The following MYCBP2 variants were observed in gnomAD, a reference collection of about 807,000 sequenced individuals.
MYCBP2 encodes the protein MYC binding protein 2, also known as E3 ubiquitin-protein ligase MYCBP2.
A neutral mutation model predicts 525.3 loss-of-function variants in MYCBP2; 120 were observed. That is an observed-to-expected ratio of 0.23 (90% CI 0.20 to 0.27). The LOEUF (loss-of-function observed/expected upper bound fraction) is 0.27, where lower values mean the gene tolerates loss of function less well. Among genes scored for constraint, MYCBP2 ranks in the 10% least tolerant of loss-of-function variants. The pLI is 1.00. For synonymous variants in MYCBP2, 1,894 were observed against 1,955.8 expected, an observed-to-expected ratio of 0.97 and a Z score of 0.83; for missense variants, 4,149 against 5,657.1, an observed-to-expected ratio of 0.73 and a Z score of 8.55.
intron 10 of MYCBP2, among the ~76,000 whole-genome samples, 163 bp from the exon 11 acceptor site, chr13:77,262,292 T>C (rs1486661331): frequency 1.3e-5 from 2 of 152,102 alleles, no homozygotes; most frequent in Non-Finnish European, 2.9e-5. Context: ...ACCATAGGTA[T>C]AGTACTCCAA....
intron 82 of MYCBP2, among the ~76,000 whole-genome samples, chr13:77,050,181 G>T (rs1303366395): frequency 1.3e-5 from 2 of 152,136 alleles, no homozygotes; most frequent in South Asian, 2.1e-4. Flanking sequence ...GTGCTGAAGG[G>T]TTGATACGCT....
In MYCBP2 at chr13:77,061,933, T is replaced by C. The variant is rs150275330; in HGVS notation, c.12775-143A>G. ...AGAATCTGAATATTAAACAGAATTA[T>C]TGCAAATGTACTTAACTATAAAAAT... On this transcript the variant is annotated intron_variant, in intron 74 of 82. Transcript: ENST00000544440. 2,319 of 857,148 alleles carry C rather than the reference T, an allele frequency of 2.7e-3. 5 individuals carry two copies. The highest frequency in any genetic ancestry group is 4.8e-3 in the Admixed American group (141 of 29,424). 53.1% of individuals were successfully genotyped at this position (857,148 alleles called of 1,614,324 possible).
intron 46 of MYCBP2, among the ~76,000 whole-genome samples, chr13:77,151,607 A>T (rs1264452539): frequency 6.6e-6 from 1 of 152,226 alleles, no homozygotes; most frequent in East Asian, 1.9e-4. Context: ...ACTCTACAGT[A>T]TAGATGCAAA....
intron 3 of MYCBP2, among the ~76,000 whole-genome samples, chr13:77,281,666 T>C (rs944336304): frequency 2.6e-5 from 4 of 152,174 alleles, no homozygotes; most frequent in Admixed American, 6.5e-5. Context: ...TCTAATATGC[T>C]AGGAAAGTGA....
intron 1 of MYCBP2, among the ~76,000 whole-genome samples, chr13:77,313,146 T>C (rs1421020424): frequency 6.6e-6 from 1 of 151,978 alleles, no homozygotes; most frequent in African/African-American, 2.4e-5. Context: ...AAACAATAAA[T>C]TGGAAAATAA....
At chr13:77,198,259 T>A (rs1023800325) in intron 26 of MYCBP2, among the ~76,000 whole-genome samples, 3 of 152,222 alleles carry the variant, frequency 2.0e-5, no homozygotes, top group African/African-American at 7.2e-5. Flanking sequence ...TCCATATAAC[T>A]ATAGGAGCTT....
At chr13:77,065,655 T>C (rs2040077837) in intron 72 of MYCBP2, among the ~76,000 whole-genome samples, 1 of 152,218 alleles carries the variant, frequency 6.6e-6, no homozygotes. Flanking sequence ...AATGAGAAAC[T>C]TCCACTTTCG....
At chr13:77,203,027 G>C (rs1200039375) in intron 26 of MYCBP2, among the ~76,000 whole-genome samples, 1 of 151,058 alleles carries the variant, frequency 6.6e-6, no homozygotes, top group Admixed American at 6.6e-5. Flanking sequence ...TCAACATAGT[G>C]TTGGAAGTTC....
chr13:77,075,331 T>C (rs1327733998), intron 68 of MYCBP2, among the ~76,000 whole-genome samples: 2 of 152,178 alleles, frequency 1.3e-5, no homozygotes, highest in African/African-American at 2.4e-5. Flanking sequence ...GCTTCAATAA[T>C]CTAACTTAAA....
chr13:77,312,714 T>C (rs539011902), intron 1 of MYCBP2, among the ~76,000 whole-genome samples: 15 of 151,718 alleles, frequency 9.9e-5, no homozygotes, highest in Middle Eastern at 3.4e-3. Flanking sequence ...CAGAAGACAA[T>C]AAAGTGGCAG....
Position 77,169,640 on chromosome 13 carries a change from C to G in MYCBP2, c.5869G>C (p.Gly1957Arg). 6.2e-7 allele frequency: 1 copy of G among 1,613,644 alleles called. No homozygotes were observed. The highest frequency in any genetic ancestry group is 8.5e-7 in the Non-Finnish European group (1 of 1,179,742). ...MLLPLIIAYIGPVAAAIPKVA... is the reference protein window; with the variant it reads ...MLLPLIIAYIRPVAAAIPKVA... ...TTGGGAATAGCAGCAGCTACTGGTC[C>G]TATGTAGGCTATAATAAGGGGGAGC... The change falls in exon 39 of 83, where the codon GGA (glycine) becomes CGA (arginine). Residue 1957 changes from glycine to arginine, a missense_variant. Gly to Arg is a moderately radical substitution (Grantham distance 125). Around this residue, in one of 21 missense-constraint regions of MYCBP2, gnomAD observed 692 missense variants for 852.7 expected, o/e 0.81. Coordinates refer to ENST00000544440, the MANE Select transcript of MYCBP2 (RefSeq NM_015057.5).
intron 18 of MYCBP2, among the ~76,000 whole-genome samples, chr13:77,229,496 T>C (rs1310195637): frequency 6.6e-6 from 1 of 152,172 alleles, no homozygotes. Context: ...AAATAAACTA[T>C]GCATTTAATA....
intron 79 of MYCBP2, among the ~76,000 whole-genome samples, chr13:77,056,027 T>C (rs1055614972): frequency 2.0e-5 from 3 of 152,100 alleles, no homozygotes; most frequent in Admixed American, 1.3e-4. Context: ...GTCTGAAATA[T>C]ATCTCCTGTT....
intron 82 of MYCBP2, among the ~76,000 whole-genome samples, chr13:77,047,000 C>T (rs2035701052): frequency 6.6e-6 from 1 of 151,996 alleles, no homozygotes; most frequent in Non-Finnish European, 1.5e-5. Context: ...AAACTGCAGC[C>T]CTTGGGTTTT....
chr13:77,149,053 T>G (rs2056072577), intron 47 of MYCBP2, among the ~76,000 whole-genome samples: 1 of 152,042 alleles, frequency 6.6e-6, no homozygotes, highest in Non-Finnish European at 1.5e-5. Flanking sequence ...TAATCAGCAC[T>G]CAAATATGTA....
intron 80 of MYCBP2, among the ~76,000 whole-genome samples, chr13:77,054,151 G>C (rs2037383186): frequency 6.6e-6 from 1 of 152,112 alleles, no homozygotes; most frequent in South Asian, 2.1e-4. Flanking sequence ...TATGGGGTTG[G>C]GGGTGGCAGG....
intron 55 of MYCBP2, among the ~76,000 whole-genome samples, chr13:77,112,858 T>C (rs2049065579): frequency 6.6e-6 from 1 of 152,212 alleles, no homozygotes; most frequent in African/African-American, 2.4e-5. Flanking sequence ...TACTTTTTTT[T>C]CCATTAACAA....
rs886354963 is a variant in MYCBP2 at position 77,086,418 on chromosome 13, T to C, written c.10875+1066A>G. On this transcript the variant is annotated intron_variant, in intron 62 of 82. Coordinates refer to ENST00000544440, the MANE Select transcript of MYCBP2 (RefSeq NM_015057.5). ...GGTGTTCAGGTGATTCACTATAATTTGTCCACCATGATTTGTATTTATTCT... is the reference window on the plus strand; with the variant it reads ...GGTGTTCAGGTGATTCACTATAATTCGTCCACCATGATTTGTATTTATTCT... Among the ~76,000 whole-genome samples, 7 of 152,256 alleles carry C rather than the reference T, an allele frequency of 4.6e-5. No homozygotes were observed. In the East Asian group the frequency reaches 1.4e-3, roughly 29 times the overall value.
intron 55 of MYCBP2, chr13:77,103,299 G>A (rs1034833094): frequency 7.5e-6 from 3 of 397,518 alleles, no homozygotes; most frequent in East Asian, 3.6e-5. Context: ...GCAAGGTTGC[G>A]AGATGGAGAT....
Sources: allele counts gnomAD v4.1 joint callset (sites outside exome capture counted in the v4.1 genomes callset), GRCh38; gene constraint gnomAD v4.1.1; regional missense constraint gnomAD v4.1.1; transcripts MANE v1.5; gene names NCBI Gene and HGNC (gene_info 2026-07-23, HGNC 2026-07-21).